Variants in NXPE2 observed in about 807,000 individuals in gnomAD.
NXPE2 encodes NXPE family member 2.
Under a neutral mutation model 34.4 loss-of-function variants are expected in NXPE2, and 34 were observed. That is an observed-to-expected ratio of 0.99 (90% CI 0.75 to 1.31). The LOEUF (loss-of-function observed/expected upper bound fraction) is 1.31, where lower values mean the gene tolerates loss of function less well. NXPE2 is among the 40% of genes most tolerant of loss of function. The pLI, the probability that NXPE2 is intolerant of heterozygous loss-of-function variation, is 0.00. For synonymous variants in NXPE2, 235 were observed against 231.3 expected (o/e 1.02, Z -0.15); for missense variants, 649 against 672.5 (o/e 0.97, Z 0.39).
At chr11:114,650,223 G>C in the NXPE2 span, among the ~76,000 whole-genome samples, 1 of 152,150 alleles carries the variant, frequency 6.6e-6, no homozygotes, top group Non-Finnish European at 1.5e-5. Flanking sequence ...ATCTTTGGTA[G>C]AGCACAGGAA....
chr11:114,705,960 C>T lies in NXPE2; in HGVS notation c.1108C>T (p.His370Tyr). The change falls in exon 5 of 6, where the codon CAT (histidine) becomes TAT (tyrosine). Residue 370 changes from histidine (H) to tyrosine (Y), a missense_variant. His to Tyr is a moderately conservative substitution (Grantham distance 83). Coordinates refer to ENST00000389586, the MANE Select transcript of NXPE2 (RefSeq NM_182495.6). ...TTATCTCATGGGAGATTCAACACTGCATCAGTGGATTTACTACTTACAAAA... is the reference window on the plus strand; with the variant it reads ...TTATCTCATGGGAGATTCAACACTGTATCAGTGGATTTACTACTTACAAAA... ...LIYLMGDSTL[H>Y]QWIYYLQKAV... The T allele has an allele frequency of 3.3e-6, 5 of 1,498,892 alleles. No individual in the cohort carries two copies. The highest frequency in any genetic ancestry group is 1.3e-5 in the South Asian group (1 of 74,088). The allele number at this position is 1,498,892 out of a possible 1,614,324, so 92.8% of individuals were successfully genotyped here.
chr11:114,646,517 A>T, the NXPE2 span, among the ~76,000 whole-genome samples: 1 of 152,012 alleles, frequency 6.6e-6, no homozygotes, highest in Non-Finnish European at 1.5e-5. Context: ...AGAACAATGT[A>T]ATTTTTTAAA....
the NXPE2 span, among the ~76,000 whole-genome samples, chr11:114,665,243 T>G: frequency 6.6e-6 from 1 of 152,190 alleles, no homozygotes; most frequent in African/African-American, 2.4e-5. Context: ...TTCTAGTCTC[T>G]AAAATATTCT....
downstream of NXPE2, chr11:114,707,395 A>T: frequency 2.4e-6 from 1 of 418,416 alleles, no homozygotes; most frequent in Non-Finnish European, 4.8e-6. Flanking sequence ...CATGCCCGGC[A>T]TTATTTTATT....
At chr11:114,736,210 G>T in the NXPE2 span, among the ~76,000 whole-genome samples, 1 of 152,196 alleles carries the variant, frequency 6.6e-6, no homozygotes, top group South Asian at 2.1e-4. Flanking sequence ...CTTATCAGGA[G>T]ACAGGGTTTG....
the NXPE2 span, among the ~76,000 whole-genome samples, chr11:114,502,056 G>T: frequency 1.3e-5 from 2 of 152,116 alleles, no homozygotes; most frequent in African/African-American, 4.8e-5. Context: ...CTTGTGCATT[G>T]TAACACGTTT....
At chr11:114,680,205 T>C (rs767524994) in intron 2 of NXPE2, among the ~76,000 whole-genome samples, 1 of 152,166 alleles carries the variant, frequency 6.6e-6, no homozygotes, top group Non-Finnish European at 1.5e-5. Flanking sequence ...TCCAGTTTCT[T>C]TTCTTCCCAA....
chr11:114,783,265 A>C, the NXPE2 span, among the ~76,000 whole-genome samples: 5 of 152,182 alleles, frequency 3.3e-5, no homozygotes, highest in Non-Finnish European at 7.3e-5. Context: ...GTTAAAACAA[A>C]GTTTGCAGGG....
the NXPE2 span, among the ~76,000 whole-genome samples, chr11:114,718,815 G>C: frequency 6.6e-6 from 1 of 152,334 alleles, no homozygotes; most frequent in Non-Finnish European, 1.5e-5. Flanking sequence ...GAGGTAGCTA[G>C]TGTAGACATA....
At chr11:114,795,156 G>A in the NXPE2 span, among the ~76,000 whole-genome samples, 1 of 152,226 alleles carries the variant, frequency 6.6e-6, no homozygotes, top group Non-Finnish European at 1.5e-5. Flanking sequence ...GCACGCCTCT[G>A]TATATTGACA....
the NXPE2 span, among the ~76,000 whole-genome samples, chr11:114,727,071 G>T: frequency 1.3e-5 from 2 of 152,018 alleles, no homozygotes; most frequent in African/African-American, 4.8e-5. Context: ...CTTCCACTCA[G>T]TACTCAGTTC....
At chr11:114,680,512 T>C (rs1950931198) in intron 2 of NXPE2, among the ~76,000 whole-genome samples, 1 of 152,082 alleles carries the variant, frequency 6.6e-6, no homozygotes, top group Non-Finnish European at 1.5e-5. Flanking sequence ...CTGGGCCCTC[T>C]CTATAAATAT....
the NXPE2 span, among the ~76,000 whole-genome samples, chr11:114,727,500 C>A: frequency 6.6e-6 from 1 of 151,978 alleles, no homozygotes; most frequent in Non-Finnish European, 1.5e-5. Context: ...ATTCAGTCTA[C>A]AACAATAACC....
chr11:114,614,313 G>A, the NXPE2 span, among the ~76,000 whole-genome samples: 93 of 150,786 alleles, frequency 6.2e-4, no homozygotes, highest in African/African-American at 2.0e-3. Context: ...GTATTGCCTC[G>A]TAGGTAACCA....
At chr11:114,551,198 A>T in the NXPE2 span, 1 of 1,531,546 alleles carries the variant, frequency 6.5e-7, no homozygotes. Flanking sequence ...GTATTTGAGG[A>T]CATGACGAAT....
chr11:114,714,398 T>G, the NXPE2 span, among the ~76,000 whole-genome samples: 1 of 152,222 alleles, frequency 6.6e-6, no homozygotes, highest in Non-Finnish European at 1.5e-5. Context: ...TATAAAAGTC[T>G]TTGATGGCTT....
chr11:114,697,703 A>G (rs749497881), intron 2 of NXPE2, among the ~76,000 whole-genome samples: 2 of 152,252 alleles, frequency 1.3e-5, no homozygotes, highest in Non-Finnish European at 2.9e-5. Context: ...TTGTTGATAT[A>G]GAAAATGATA....
chr11:114,631,436 C>G, the NXPE2 span, among the ~76,000 whole-genome samples: 1 of 147,498 alleles, frequency 6.8e-6, no homozygotes, highest in Non-Finnish European at 1.5e-5. Flanking sequence ...AAAAACCAAA[C>G]ACTGCATATT....
the NXPE2 span, among the ~76,000 whole-genome samples, chr11:114,586,088 G>T: frequency 6.6e-6 from 1 of 152,134 alleles, no homozygotes; most frequent in Non-Finnish European, 1.5e-5. Context: ...TACACCTGGG[G>T]TGACCAATCT....
Sources: gnomAD v4.1 joint callset for allele counts (sites outside exome capture counted in the v4.1 genomes callset) on GRCh38, gnomAD v4.1.1 for gene constraint, MANE v1.5 for transcripts, NCBI Gene and HGNC (gene_info 2026-07-23, HGNC 2026-07-21) for gene names.